Variants in SQLE observed in about 807,000 individuals in gnomAD.
SQLE encodes squalene epoxidase, also known as squalene monooxygenase.
In SQLE, 29 loss-of-function variants were observed where a neutral mutation model predicts 60.7. That is an observed-to-expected ratio of 0.48 (90% CI 0.36 to 0.65). The LOEUF is 0.65. Among genes scored for constraint, SQLE ranks in the 30% least tolerant of loss-of-function variants. The pLI is 0.00. For synonymous variants in SQLE, 237 were observed against 246.8 expected (o/e 0.96, Z 0.37); for missense variants, 605 against 684.1 (o/e 0.88, Z 1.29).
intron 7 of SQLE, among the ~76,000 whole-genome samples, chr8:125,014,448 A>T (rs1261521796): frequency 2.6e-5 from 4 of 150,948 alleles, no homozygotes; most frequent in African/African-American, 7.3e-5. Flanking sequence ...ATTTTCTACT[A>T]ATTTGGGGTT....
At chr8:125,010,629 A>G (rs1815024631) in intron 6 of SQLE, among the ~76,000 whole-genome samples, 2 of 152,322 alleles carry the variant, frequency 1.3e-5, no homozygotes, top group South Asian at 4.1e-4. Flanking sequence ...CAACATGTAC[A>G]TGGAAACATT....
intron 10 of SQLE, among the ~76,000 whole-genome samples, chr8:125,021,482 G>C (rs1815203256): frequency 1.4e-5 from 2 of 145,916 alleles, no homozygotes; most frequent in Non-Finnish European, 3.0e-5. Context: ...AGAGTTACAG[G>C]AGTTACTAGC....
rs185893154 is a variant in SQLE at position 125,002,002 on chromosome 8, C to G, written c.292-1174C>G. ...ACTGTTGTTCTTAGTGGTCATAAAT[C>G]TCTCAAAACAAGACTTTGCATCTTT... On this transcript the variant is annotated intron_variant, in intron 1 of 10. Coordinates refer to ENST00000265896, the MANE Select transcript of SQLE (RefSeq NM_003129.4). Among the ~76,000 whole-genome samples, 16 of 152,298 alleles carry G rather than the reference C, an allele frequency of 1.1e-4. No individual in the cohort carries two copies. In the East Asian group the frequency reaches 3.1e-3, roughly 29 times the overall value.
At chr8:125,019,372 G>T (rs1053831363) in intron 9 of SQLE, among the ~76,000 whole-genome samples, 5 of 151,816 alleles carry the variant, frequency 3.3e-5, no homozygotes, top group African/African-American at 1.2e-4. Flanking sequence ...ATCGCTTAAA[G>T]CCAGGAGTTT....
chr8:125,012,125 T>C (rs1165228005), intron 7 of SQLE, among the ~76,000 whole-genome samples: 1 of 151,928 alleles, frequency 6.6e-6, no homozygotes, highest in Non-Finnish European at 1.5e-5. Flanking sequence ...GGATGAGAAA[T>C]GGTGGCACTT....
At chr8:125,003,616 G>T (rs1319590487) in intron 2 of SQLE, among the ~76,000 whole-genome samples, 188 bp downstream of exon 2, 1 of 152,102 alleles carries the variant, frequency 6.6e-6, no homozygotes, top group East Asian at 1.9e-4. Context: ...AGTATGATTA[G>T]ATGTGAATTA....
At chr8:124,999,724 T>A in intron 1 of SQLE, 30 bp downstream of exon 1, 5 of 1,541,018 alleles carry the variant, frequency 3.2e-6, no homozygotes, top group Non-Finnish European at 4.4e-6. Context: ...GGCAGATGAA[T>A]GTCTTATTTA....
chr8:125,015,086 G>A (rs149254005), intron 7 of SQLE, among the ~76,000 whole-genome samples: 14 of 152,158 alleles, frequency 9.2e-5, no homozygotes, highest in African/African-American at 2.4e-4. Context: ...TGAGTGCTCC[G>A]GTATTGGGTG....
rs1814889401 is a variant in SQLE, at chr8:125,003,207, G to A, written c.323G>A (p.Ser108Asn). ...AAAGGAACCAATATTTCAGAAACAA[G>A]CTTAATAGGAACAGCTGCCTGTACA... ...RRKGTNISETSLIGTAACTST... is the reference protein window; with the variant it reads ...RRKGTNISETNLIGTAACTST... Residue 108 changes from serine (S) to asparagine (N), a missense_variant, in exon 2 of 11, where the codon AGC (serine) becomes AAC (asparagine). Coordinates refer to ENST00000265896, the MANE Select transcript of SQLE (RefSeq NM_003129.4). 1 of 1,612,602 alleles carries A rather than the reference G, an allele frequency of 6.2e-7. No homozygotes were observed. Among genetic ancestry groups the A allele is most frequent in the Admixed American group, 1.7e-5 (1 of 59,778 alleles).
chr8:124,999,586 C>T lies in SQLE; in HGVS notation c.183C>T (p.Ser61=), dbSNP rs770125741. Residue 61 remains serine, a synonymous_variant, in exon 1 of 11, where the codon TCC becomes TCT. Coordinates refer to ENST00000265896, the MANE Select transcript of SQLE (RefSeq NM_003129.4). ...TCCTCGGGCGCCAGCAGAGCGGCTC[C>T]CAGTTCGCCCTCTTCTCGGATATTC... ...GGLLGRQQSG[S]QFALFSDILS... is the part of the protein sequence containing the mutation. The T allele has an allele frequency of 1.2e-6, 2 of 1,613,470 alleles. No individual in the cohort carries two copies. Among genetic ancestry groups the T allele is most frequent in the African/African-American group, 2.7e-5 (2 of 74,914 alleles).
intron 6 of SQLE, 90 bp downstream of exon 6, chr8:125,009,433 C>A: frequency 8.0e-7 from 1 of 1,249,192 alleles, no homozygotes. Flanking sequence ...TCCAGTCAAC[C>A]AGATATTCTG....
chr8:125,014,273 CCATTTGCTGACATA>C (rs1267342914), intron 7 of SQLE, among the ~76,000 whole-genome samples: 1 of 152,048 alleles, frequency 6.6e-6, no homozygotes, highest in Admixed American at 6.5e-5. Flanking sequence ...GTTTTGCCAG[CCATTTGCTGACATA>C]GGAACAGGAA....
chr8:124,999,280 C>T lies in SQLE; in HGVS notation c.-124C>T. The T allele has an allele frequency of 3.3e-6, 3 of 903,564 alleles. No homozygotes were observed. The highest frequency in any genetic ancestry group is 4.5e-6 in the Non-Finnish European group (3 of 666,106). The allele number at this position is 903,564 out of a possible 1,614,324, so 56.0% of individuals were successfully genotyped here. On this transcript the variant is annotated 5_prime_UTR_variant, in exon 1 of 11. Coordinates refer to ENST00000265896, the MANE Select transcript of SQLE (RefSeq NM_003129.4). ...TGATCGGACTTCTCGTCCTGGGACACTGTTTACTGGAGTCTGGCCGGCTCT... is the reference window on the plus strand; with the variant it reads ...TGATCGGACTTCTCGTCCTGGGACATTGTTTACTGGAGTCTGGCCGGCTCT...
At chr8:125,006,349 G>T (rs1324966595) in intron 3 of SQLE, among the ~76,000 whole-genome samples, 1 of 152,102 alleles carries the variant, frequency 6.6e-6, no homozygotes, top group African/African-American at 2.4e-5. Flanking sequence ...GGCCAGGTGC[G>T]GTGGCTCATG....
Position 124,998,620 on chromosome 8 carries a change from G to C in SQLE, c.-784G>C, listed in dbSNP as rs1398378178. On this transcript the variant is annotated 5_prime_UTR_variant, in exon 1 of 11. Transcript: ENST00000265896. ...GAGGGATGCTGGTGAGGAAGCCGTC[G>C]GGAGCCGCCGCCGCCATCTGAGGGA... 1.5e-6 allele frequency: 1 copy of C among 683,750 alleles called. No homozygotes were observed. The highest frequency in any genetic ancestry group is 2.7e-6 in the Non-Finnish European group (1 of 376,242). The allele number at this position is 683,750 out of a possible 1,614,324, so 42.4% of individuals were successfully genotyped here.
chr8:125,013,518 A>G (rs28803012), intron 7 of SQLE, among the ~76,000 whole-genome samples: 16,826 of 151,510 alleles, frequency 0.11, 1,944 homozygotes, highest in African/African-American at 0.29. Flanking sequence ...GTGCCCAGCT[A>G]ATTTTTGTAT....
At chr8:125,007,708 C>G (rs551294153) in intron 4 of SQLE, among the ~76,000 whole-genome samples, 1 of 152,230 alleles carries the variant, frequency 6.6e-6, no homozygotes, top group Non-Finnish European at 1.5e-5. Flanking sequence ...TTGAAATGAT[C>G]TAATGAGTAT....
chr8:125,021,491 G>A (rs1317838001), intron 10 of SQLE, among the ~76,000 whole-genome samples: 1 of 134,538 alleles, frequency 7.4e-6, no homozygotes, highest in Non-Finnish European at 1.5e-5. Flanking sequence ...GGAGTTACTA[G>A]CTTTTCTGAA....
At position 124,999,508 on chromosome 8, in the gene SQLE, C is replaced by G; in HGVS notation, c.105C>G (p.Phe35Leu). 1.2e-6 allele frequency: 2 copies of G among 1,609,186 alleles called. No individual in the cohort carries two copies. The highest frequency in any genetic ancestry group is 1.7e-6 in the Non-Finnish European group (2 of 1,177,408). ...NREVLLCVLV[F>L]LSLGLVLSYR... is the part of the protein sequence containing the mutation. Reference sequence around the variant, plus strand: ...AGGTCCTGTTGTGCGTGCTGGTGTTCCTCTCGCTGGGCCTGGTGCTCTCCT... The same window carrying G: ...AGGTCCTGTTGTGCGTGCTGGTGTTGCTCTCGCTGGGCCTGGTGCTCTCCT... Residue 35 changes from phenylalanine to leucine, a missense_variant, in exon 1 of 11, where the codon TTC (phenylalanine) becomes TTG (leucine). Transcript: ENST00000265896.
Sources: allele counts gnomAD v4.1 joint callset (sites outside exome capture counted in the v4.1 genomes callset), GRCh38; gene constraint gnomAD v4.1.1; transcripts MANE v1.5; gene names NCBI Gene and HGNC (gene_info 2026-07-23, HGNC 2026-07-21).